The following SF3B3 variants were observed in gnomAD, a reference collection of about 807,000 sequenced individuals.
The protein encoded by SF3B3 is SAP 130.
In SF3B3, 33 loss-of-function variants were observed where a neutral mutation model predicts 139.2. The ratio of observed to expected loss-of-function variants is 0.24; its 90% confidence interval spans 0.18 to 0.32. The LOEUF is 0.32. Ranked by LOEUF, SF3B3 falls within the 10% of genes least tolerant of loss-of-function variation. SF3B3 has a pLI of 1.00. For synonymous variants in SF3B3, 596 were observed against 563.6 expected (o/e 1.06, Z -0.81); for missense variants, 818 against 1,509.4 (o/e 0.54, Z 7.59).
chr16:70,556,459 C>A, intron 14 of SF3B3, 125 bp downstream of exon 14: 1 of 996,904 alleles, frequency 1.0e-6, no homozygotes, highest in Non-Finnish European at 1.5e-6. Flanking sequence ...AACCCAGAAT[C>A]CATACCTGCT....
At chr16:70,571,264 G>A in intron 25 of SF3B3, 65 bp downstream of exon 25, 3 of 1,195,900 alleles carry the variant, frequency 2.5e-6, no homozygotes, top group Non-Finnish European at 3.7e-6. Context: ...GGAGTGGATT[G>A]ATGGGAATAG....
chr16:70,540,159 T>G (rs1253477763), intron 8 of SF3B3, among the ~76,000 whole-genome samples: 4 of 145,956 alleles, frequency 2.7e-5, no homozygotes, highest in Admixed American at 2.7e-4. Flanking sequence ...CTTTGGGAGG[T>G]TGAGGCGGGC....
At chr16:70,538,256 A>C in intron 6 of SF3B3, 67 bp from the exon 7 acceptor site, 2 of 1,409,070 alleles carry the variant, frequency 1.4e-6, no homozygotes, top group Non-Finnish European at 2.0e-6. Context: ...CTATTGGTAA[A>C]GTGCTGAATT....
chr16:70,560,408 T>G, intron 15 of SF3B3, 61 bp from the exon 16 acceptor site: 2 of 1,576,318 alleles, frequency 1.3e-6, no homozygotes, highest in Admixed American at 1.8e-5. Context: ...AAGGGAGAGG[T>G]TTTCCCATCA....
chr16:70,561,116 G>A (rs1045055570), intron 16 of SF3B3, among the ~76,000 whole-genome samples: 3 of 152,176 alleles, frequency 2.0e-5, no homozygotes, highest in Non-Finnish European at 4.4e-5. Context: ...CGCCTCCTGG[G>A]TTCAACCAAT....
At chr16:70,568,553 C>A in intron 22 of SF3B3, 58 bp downstream of exon 22, 1 of 1,400,372 alleles carries the variant, frequency 7.1e-7, no homozygotes, top group Non-Finnish European at 1.0e-6. Context: ...GGCTCAGTTT[C>A]TTGTGGGTAA....
At chr16:70,556,055 A>T in intron 13 of SF3B3, 124 bp from the exon 14 acceptor site, 1 of 903,766 alleles carries the variant, frequency 1.1e-6, no homozygotes, top group Non-Finnish European at 1.7e-6. Context: ...AAGAGGAGTG[A>T]GAGGAAGCAG....
At chr16:70,554,651 C>A (rs1481195585) in intron 12 of SF3B3, 54 bp downstream of exon 12, 23 of 1,569,500 alleles carry the variant, frequency 1.5e-5, no homozygotes, top group Middle Eastern at 1.7e-4. Context: ...TCTTGGCCTT[C>A]ATTGTGATGC....
At chr16:70,563,502 T>A (rs1216484759) in intron 17 of SF3B3, among the ~76,000 whole-genome samples, 1 of 152,226 alleles carries the variant, frequency 6.6e-6, no homozygotes, top group East Asian at 1.9e-4. Context: ...TCCACTTTAT[T>A]TTATGAAGCA....
intron 12 of SF3B3, 111 bp from the exon 13 acceptor site, chr16:70,554,940 A>G: frequency 9.9e-7 from 1 of 1,014,434 alleles, no homozygotes; most frequent in Non-Finnish European, 1.4e-6. Context: ...TGGTGCCTCA[A>G]ATGCAGTGGC....
In SF3B3 at chr16:70,556,879, C is replaced by T. The variant is rs189815768; in HGVS notation, c.1867-7C>T. 7.8e-4 allele frequency: 1,255 copies of T among 1,613,960 alleles called. 3 individuals carry two copies. The highest frequency in any genetic ancestry group is 9.6e-4 in the Non-Finnish European group (1,132 of 1,179,938). ...CTGTGTTTTTATGATTTTTCTCTCC[C>T]TCTCAGGACTGTTTGCAACCTCTAA... On this transcript the variant is annotated splice_region_variant and splice_polypyrimidine_tract_variant and intron_variant, in intron 14 of 25. Coordinates refer to ENST00000302516, the MANE Select transcript of SF3B3 (RefSeq NM_012426.5).
rs2050222446 is a variant in SF3B3, at chr16:70,541,952, T to A, written c.1233+118T>A. On this transcript the variant is annotated intron_variant, in intron 9 of 25. Transcript: ENST00000302516. Reference sequence around the variant, plus strand: ...CGCCAGTGTGTAAAGCAGTTAGAGGTAGAAGTTTGAGCACAAAAAACCATT... The same window carrying A: ...CGCCAGTGTGTAAAGCAGTTAGAGGAAGAAGTTTGAGCACAAAAAACCATT... The A allele has an allele frequency of 1.4e-5, 12 of 864,114 alleles. 1 individual carries two copies. The South Asian group carries it at 2.5e-4, about 18-fold the overall frequency. The allele number at this position is 864,114 out of a possible 1,614,324, so 53.5% of individuals were successfully genotyped here.
intron 1 of SF3B3, among the ~76,000 whole-genome samples, chr16:70,525,226 C>G (rs1567406188): frequency 6.6e-6 from 1 of 151,906 alleles, no homozygotes; most frequent in African/African-American, 2.4e-5. Flanking sequence ...GGGGTTTTCA[C>G]TGTGTTGGCC....
chr16:70,569,791 G>A, intron 23 of SF3B3: 1 of 520,794 alleles, frequency 1.9e-6, no homozygotes, highest in Non-Finnish European at 3.4e-6. Context: ...ACCAAACCTG[G>A]CAGATTTTGT....
chr16:70,576,948 G>A lies in SF3B3; in HGVS notation c.*5135G>A, dbSNP rs1393152756. The A allele has an allele frequency of 6.6e-6, 1 of 152,302 alleles. No individual in the cohort carries two copies. Among genetic ancestry groups the A allele is most frequent in the Non-Finnish European group, 1.5e-5 (1 of 68,188 alleles). The allele number at this position is 152,302 out of a possible 1,614,324, so 9.4% of individuals were successfully genotyped here. On this transcript the variant is annotated 3_prime_UTR_variant, in exon 26 of 26. Transcript: ENST00000302516. ...AGTTTGAGACCAGCCTGGGCAACAT[G>A]ACAAAACCCCATCTCTCCAAAAATA...
intron 24 of SF3B3, 103 bp downstream of exon 24, chr16:70,570,252 A>C: frequency 8.9e-7 from 1 of 1,126,996 alleles, no homozygotes; most frequent in Non-Finnish European, 1.3e-6. Flanking sequence ...ATAATTAATA[A>C]TGTTCTGGGA....
At chr16:70,545,875 C>A (rs2050263385) in intron 10 of SF3B3, among the ~76,000 whole-genome samples, 1 of 152,162 alleles carries the variant, frequency 6.6e-6, no homozygotes, top group African/African-American at 2.4e-5. Context: ...ATTGGTGTTT[C>A]AGGGAATTTG....
intron 23 of SF3B3, 43 bp downstream of exon 23, chr16:70,569,184 C>G: frequency 7.2e-7 from 1 of 1,380,724 alleles, no homozygotes; most frequent in East Asian, 2.3e-5. Context: ...CTGCTTAGCA[C>G]TTTTCCTGTT....
At chr16:70,529,334 G>A in intron 3 of SF3B3, 135 bp downstream of exon 3, 2 of 672,086 alleles carry the variant, frequency 3.0e-6, no homozygotes, top group Non-Finnish European at 4.9e-6. Context: ...GTTTAAAGTT[G>A]CATTTCCTTT....
Sources: allele counts gnomAD v4.1 joint callset (sites outside exome capture counted in the v4.1 genomes callset), GRCh38; gene constraint gnomAD v4.1.1; transcripts MANE v1.5; gene names NCBI Gene and HGNC (gene_info 2026-07-23, HGNC 2026-07-21).